CCDC192: variants seen among roughly 807,000 people sequenced by gnomAD.
CCDC192 encodes the protein coiled-coil domain-containing protein 192.
At chr5:127,922,445 A>G (rs555723561) in intron 6 of CCDC192, among the ~76,000 whole-genome samples, 1 of 152,276 alleles carries the variant, frequency 6.6e-6, no homozygotes, top group African/African-American at 2.4e-5. Flanking sequence ...GCAATGTTGA[A>G]AGTTTAAACA....
intron 2 of CCDC192, 130 bp from the exon 3 acceptor site, chr5:127,754,138 G>A (rs147553257): frequency 9.2e-5 from 36 of 391,006 alleles, no homozygotes; most frequent in Non-Finnish European, 1.6e-4. Flanking sequence ...GAAAAGGGGA[G>A]GATTTGTGTG....
At chr5:127,863,552 G>A (rs1326919458) in intron 5 of CCDC192, among the ~76,000 whole-genome samples, 3 of 152,332 alleles carry the variant, frequency 2.0e-5, no homozygotes, top group South Asian at 2.1e-4. Flanking sequence ...AGGCTGGAAG[G>A]AGGAAGAAAC....
At chr5:127,749,734 A>G (rs1173942692) in intron 2 of CCDC192, among the ~76,000 whole-genome samples, 10 of 152,152 alleles carry the variant, frequency 6.6e-5, no homozygotes, top group Admixed American at 3.3e-4. Context: ...CTGTGAATCC[A>G]TCTGGTCCTG....
At chr5:127,713,527 T>C (rs1751455132) in intron 2 of CCDC192, among the ~76,000 whole-genome samples, 1 of 152,186 alleles carries the variant, frequency 6.6e-6, no homozygotes, top group Admixed American at 6.5e-5. Context: ...ATTCTCTTAG[T>C]AATGTCTGTA....
intron 2 of CCDC192, among the ~76,000 whole-genome samples, chr5:127,709,203 GAGAGAGAGA>G (rs1751172482): frequency 1.2e-3 from 3 of 2,438 alleles, no homozygotes; most frequent in African/African-American, 2.6e-3. Flanking sequence ...GAGAGAGGGG[GAGAGAGAGA>G]GAGAGAGAGA....
At chr5:127,747,136 A>C (rs1231097259) in intron 2 of CCDC192, among the ~76,000 whole-genome samples, 1 of 149,210 alleles carries the variant, frequency 6.7e-6, no homozygotes, top group Non-Finnish European at 1.5e-5. Flanking sequence ...TTTAAGTTTT[A>C]GGGTACATGT....
intron 5 of CCDC192, among the ~76,000 whole-genome samples, chr5:127,866,618 A>C (rs1268488122): frequency 6.6e-6 from 1 of 151,838 alleles, no homozygotes; most frequent in Non-Finnish European, 1.5e-5. Flanking sequence ...TTTACTTATA[A>C]AGAATAAAGA....
At chr5:127,929,915 G>A (rs1753971919) in intron 6 of CCDC192, among the ~76,000 whole-genome samples, 1 of 151,992 alleles carries the variant, frequency 6.6e-6, no homozygotes, top group African/African-American at 2.4e-5. Flanking sequence ...TCCAAAAGAT[G>A]GAAAATGGCC....
rs944711162 is a variant in CCDC192, at chr5:127,878,868, C to T, written c.535+3207C>T. Among the ~76,000 whole-genome samples, 21 of 148,410 alleles carry T rather than the reference C, an allele frequency of 1.4e-4. No individual in the cohort carries two copies. In the Admixed American group the frequency reaches 1.4e-3, roughly 10 times the overall value. ...GAATGTTCTTCCATTTGTTTGTATC[C>T]TCTTTTATTTCCTTGAGCAGTGGTT... On this transcript the variant is annotated intron_variant, in intron 6 of 6. Transcript: ENST00000514853.
intron 3 of CCDC192, among the ~76,000 whole-genome samples, chr5:127,781,587 T>C (rs1756227322): frequency 6.6e-6 from 1 of 151,828 alleles, no homozygotes; most frequent in Non-Finnish European, 1.5e-5. Flanking sequence ...TTTTTTTTTT[T>C]TTTTTGCAGC....
intron 3 of CCDC192, among the ~76,000 whole-genome samples, chr5:127,795,067 C>T (rs1036065488): frequency 7.9e-5 from 12 of 151,954 alleles, no homozygotes; most frequent in African/African-American, 1.2e-4. Context: ...CCGAGGCGGG[C>T]GGATCACTTG....
intron 5 of CCDC192, among the ~76,000 whole-genome samples, chr5:127,802,847 A>C (rs1757577967): frequency 6.6e-6 from 1 of 152,172 alleles, no homozygotes; most frequent in African/African-American, 2.4e-5. Context: ...TTGTAGGAGC[A>C]CCCTTTATAT....
intron 3 of CCDC192, among the ~76,000 whole-genome samples, chr5:127,789,676 A>C (rs1000227209): frequency 6.6e-6 from 1 of 152,236 alleles, no homozygotes; most frequent in Non-Finnish European, 1.5e-5. Context: ...GAACTGAAGG[A>C]GATGAAGGTG....
intron 2 of CCDC192, among the ~76,000 whole-genome samples, chr5:127,727,794 A>C (rs547552840): frequency 6.6e-6 from 1 of 152,350 alleles, no homozygotes; most frequent in East Asian, 1.9e-4. Flanking sequence ...TAAGAACCAC[A>C]ATAAAACACT....
intron 5 of CCDC192, among the ~76,000 whole-genome samples, chr5:127,820,963 C>T (rs1749260624): frequency 6.6e-6 from 1 of 152,122 alleles, no homozygotes; most frequent in South Asian, 2.1e-4. Flanking sequence ...TCTCTGGTCT[C>T]CATCTAGCTA....
chr5:127,835,724 G>A (rs1039219041), intron 5 of CCDC192, among the ~76,000 whole-genome samples: 1 of 152,124 alleles, frequency 6.6e-6, no homozygotes, highest in Non-Finnish European at 1.5e-5. Context: ...AGAGGGAAGA[G>A]TCCCTTATAA....
intron 2 of CCDC192, among the ~76,000 whole-genome samples, chr5:127,730,884 A>G (rs1451016937): frequency 6.6e-6 from 1 of 152,216 alleles, no homozygotes; most frequent in African/African-American, 2.4e-5. Flanking sequence ...AATAAGAGCC[A>G]TTTATGACAA....
chr5:127,885,327 T>C (rs1002311735), intron 6 of CCDC192, among the ~76,000 whole-genome samples: 3 of 152,178 alleles, frequency 2.0e-5, no homozygotes, highest in Non-Finnish European at 2.9e-5. Context: ...GGGAGGAAGA[T>C]ACTTCCTTCC....
chr5:127,847,682 C>T (rs1226285484), intron 5 of CCDC192, among the ~76,000 whole-genome samples: 7 of 151,924 alleles, frequency 4.6e-5, no homozygotes, highest in Admixed American at 1.3e-4. Context: ...AATTACCAGG[C>T]GTGGTGGCAG....
Sources: allele counts gnomAD v4.1 joint callset (sites outside exome capture counted in the v4.1 genomes callset), GRCh38; gene constraint gnomAD v4.1.1; transcripts MANE v1.5; gene names NCBI Gene and HGNC (gene_info 2026-07-23, HGNC 2026-07-21).